The following NEB variants were observed in gnomAD, a reference collection of about 807,000 sequenced individuals.
NEB encodes nemaline myopathy type 2.
Under a neutral mutation model 952.2 loss-of-function variants are expected in NEB, and 512 were observed. The observed-to-expected ratio is 0.54, with a 90% CI of 0.50 to 0.58. The LOEUF (loss-of-function observed/expected upper bound fraction) is 0.58, where lower values mean the gene tolerates loss of function less well. Among genes scored for constraint, NEB ranks in the 20% least tolerant of loss-of-function variants. NEB has a pLI of 0.00. For synonymous variants in NEB, 2,900 were observed against 3,149.8 expected (o/e 0.92, Z 2.66); for missense variants, 8,428 against 9,231.1 (o/e 0.91, Z 3.56).
chr2:151,492,461 G>A lies in NEB; in HGVS notation c.24799C>T (p.Gln8267Ter). The A allele has an allele frequency of 6.2e-7, 1 of 1,613,402 alleles. No homozygotes were observed. The highest frequency in any genetic ancestry group is 8.5e-7 in the Non-Finnish European group (1 of 1,179,636). ...TCCAATACATAGGCAGCTTTGCCTT[G>A]TATTTGTTTCCGGAAACTATCAGAA... ...LYSDSFRKQI[Q>*]GKAAYVLDTP... Residue 8267 changes from glutamine to a stop codon, truncating the protein, a stop_gained, in exon 177 of 182, where the codon CAA becomes TAA. Transcript: ENST00000397345. LOFTEE classifies it high-confidence loss of function.
chr2:151,639,920 A>G lies in NEB; in HGVS notation c.8826T>C (p.Phe2942=). 6.2e-7 allele frequency: 1 copy of G among 1,614,006 alleles called. No homozygotes were observed. Among genetic ancestry groups the G allele is most frequent in the Non-Finnish European group, 8.5e-7 (1 of 1,179,876 alleles). The change falls in exon 62 of 182, where the codon TTT becomes TTC. Residue 2942 remains phenylalanine, a synonymous_variant. Coordinates refer to ENST00000397345, the MANE Select transcript of NEB (RefSeq NM_001164508.2). The stretch of plus-strand genomic sequence containing the variant: ...GTTCCAGAGAGTCAGTCACACTGGT[A>G]AATTTGAATCTGTCTGGAGGCTGGC... ...IYRQPPDRFK[F]TSVTDSLEQV... is the part of the protein sequence containing the mutation.
chr2:151,653,467 C>A (rs1252945248), intron 52 of NEB, among the ~76,000 whole-genome samples: 1 of 152,128 alleles, frequency 6.6e-6, no homozygotes, highest in African/African-American at 2.4e-5. Flanking sequence ...GTTAAGTAAG[C>A]CCTTGGGAAC....
Position 151,710,484 on chromosome 2 carries a change from G to A in NEB, c.877C>T (p.Pro293Ser), listed in dbSNP as rs200672688. 3.1e-6 allele frequency: 5 copies of A among 1,612,008 alleles called. No homozygotes were observed. In the Admixed American group the frequency reaches 5.0e-5, roughly 16 times the overall value. ...NKIKGKWSET[P>S]CFEVANARMN... Reference sequence around the variant, plus strand: ...CTGGCATTTGCAACTTCAAAGCAAGGTGTCTCACTCCATTTGCCTTTGATT... The same window carrying A: ...CTGGCATTTGCAACTTCAAAGCAAGATGTCTCACTCCATTTGCCTTTGATT... Residue 293 changes from proline to serine, a missense_variant, in exon 11 of 182, where the codon CCT becomes TCT. Physicochemically the swap from Pro to Ser is moderately conservative, Grantham distance 74. This residue lies in a region of NEB where 2,851 missense variants were observed against 2,791.5 expected (regional missense o/e 1.02). Coordinates refer to ENST00000397345, the MANE Select transcript of NEB (RefSeq NM_001164508.2).
Position 151,526,188 on chromosome 2 carries a change from C to T in NEB, c.22020G>A (p.Leu7340=), listed in dbSNP as rs2153453430. The change falls in exon 149 of 182, where the codon CTG becomes CTA. Residue 7340 remains leucine, a synonymous_variant. Transcript: ENST00000397345. ...ACACCAGGTTGCTGACAGTCTTCGC[C>T]AGCAGGATCTGAGGCGTGTCAGGTA... is the stretch of plus-strand genomic sequence containing the variant. ...HAVPDTPQIL[L]AKTVSNLVSE... 6.2e-7 allele frequency: 1 copy of T among 1,613,978 alleles called. No individual in the cohort carries two copies. The highest frequency in any genetic ancestry group is 8.5e-7 in the Non-Finnish European group (1 of 1,179,862).
At chr2:151,512,462 A>G (rs971045330) in intron 161 of NEB, among the ~76,000 whole-genome samples, 2 of 152,018 alleles carry the variant, frequency 1.3e-5, no homozygotes, top group Non-Finnish European at 2.9e-5. Context: ...AGAAGCTGGG[A>G]CTGGCGTGCA....
chr2:151,508,626 A>T (rs2071282966), intron 161 of NEB, among the ~76,000 whole-genome samples: 1 of 152,258 alleles, frequency 6.6e-6, no homozygotes, highest in African/African-American at 2.4e-5. Flanking sequence ...CTGAGCCGGC[A>T]GTCAGACAGG....
At chr2:151,523,107 A>C (rs2083104973) in intron 153 of NEB, among the ~76,000 whole-genome samples, 1 of 152,232 alleles carries the variant, frequency 6.6e-6, no homozygotes, top group Non-Finnish European at 1.5e-5. Context: ...GACCTTGTAC[A>C]TTTAAAAACA....
At chr2:151,553,178 C>A (rs1461154201) in intron 127 of NEB, among the ~76,000 whole-genome samples, 1 of 152,078 alleles carries the variant, frequency 6.6e-6, no homozygotes. Flanking sequence ...AGATGCTGGT[C>A]CCTTCTCCAC....
In NEB at chr2:151,512,785, A is replaced by G. The variant is rs763552941; in HGVS notation, c.23294T>C (p.Val7765Ala). 6.2e-7 allele frequency: 1 copy of G among 1,613,946 alleles called. No individual in the cohort carries two copies. The highest frequency in any genetic ancestry group is 1.3e-5 in the African/African-American group (1 of 75,062). Residue 7765 changes from valine to alanine, a missense_variant, in exon 161 of 182, where the codon GTT becomes GCT. Coordinates refer to ENST00000397345, the MANE Select transcript of NEB (RefSeq NM_001164508.2). ...EMEKANFTSV[V>A]DTPEIIHAQQ... ...GGCATGAATGATCTCTGGAGTATCA[A>G]CCACAGAAGTGAAATTGGCTTTCTC...
chr2:151,568,577 AT>A, intron 111 of NEB, 40 bp downstream of exon 111: 1 of 1,498,604 alleles, frequency 6.7e-7, no homozygotes, highest in Non-Finnish European at 9.2e-7. Context: ...TGGAAGTGAT[AT>A]CTGCATCACT....
chr2:151,619,792 G>A (rs1242290036), intron 72 of NEB, 30 bp from the exon 73 acceptor site: 1 of 1,579,578 alleles, frequency 6.3e-7, no homozygotes, highest in South Asian at 1.1e-5. Flanking sequence ...AAATAAGAAG[G>A]AAGCACAAAG....
intron 125 of NEB, 85 bp from the exon 126 acceptor site, chr2:151,554,110 T>TGTTCGCTGTGAGTTGGTTAG: frequency 1.5e-6 from 2 of 1,293,812 alleles, no homozygotes; most frequent in Non-Finnish European, 1.1e-6. Flanking sequence ...GCTAACCAAC[T>TGTTCGCTGTGAGTTGGTTAG]CACAGCGAAC....
At chr2:151,676,858 A>G (rs2099364246) in intron 34 of NEB, among the ~76,000 whole-genome samples, 1 of 152,134 alleles carries the variant, frequency 6.6e-6, no homozygotes, top group African/African-American at 2.4e-5. Context: ...TATCCCATGA[A>G]TCCTCATCTA....
At chr2:151,508,456 C>T (rs931542288) in intron 161 of NEB, among the ~76,000 whole-genome samples, 13 of 152,196 alleles carry the variant, frequency 8.5e-5, no homozygotes, top group Non-Finnish European at 1.8e-4. Flanking sequence ...CAGTAGTCCT[C>T]GCTGGGCTGG....
rs117361266 is a variant in NEB at position 151,620,581 on chromosome 2, T to C, written c.10560+338A>G. ...TTTCAAGTGATGGGGCAAACTCAGT[T>C]AAGCCTGCTTCTTTTCTGGCATCTT... On this transcript the variant is annotated intron_variant, in intron 72 of 181. Transcript: ENST00000397345. 2.6e-3 allele frequency among the ~76,000 whole-genome samples: 393 copies of C among 152,076 alleles called. 10 individuals are homozygous for C. The East Asian group carries it at 0.053, about 21-fold the overall frequency.
chr2:151,629,738 G>A (rs1225915196), intron 67 of NEB, 92 bp from the exon 68 acceptor site: 3 of 1,065,604 alleles, frequency 2.8e-6, no homozygotes, highest in South Asian at 2.8e-5. Flanking sequence ...ATTTAAAAAA[G>A]GATAGGAACT....
Position 151,546,001 on chromosome 2 carries a change from T to TAA in NEB, c.20467-5_20467-4dup, listed in dbSNP as rs10687343. ...TTATCAGTGTATAGGTAATTAGACT[T>TAA]AAAAAAAAAAAAAAAAACAGAAATA... On this transcript the variant is annotated splice_polypyrimidine_tract_variant and splice_region_variant and intron_variant, in intron 134 of 181. Coordinates refer to ENST00000397345, the MANE Select transcript of NEB (RefSeq NM_001164508.2). 215,335 of 923,728 alleles carry TAA rather than the reference T, an allele frequency of 0.23. 7,056 individuals carry two copies. Among genetic ancestry groups the TAA allele is most frequent in the Admixed American group, 0.27 (9,642 of 36,344 alleles). The allele number at this position is 923,728 out of a possible 1,614,324, so 57.2% of individuals were successfully genotyped here.
Position 151,694,318 on chromosome 2 carries a change from C to T in NEB, c.1896+5G>A. Reference sequence around the variant, plus strand: ...AAAATAGGGGTGAATTACAAAGAAACTCACATCACTCTGGTTTTTGGCCAC... The same window carrying T: ...AAAATAGGGGTGAATTACAAAGAAATTCACATCACTCTGGTTTTTGGCCAC... On this transcript the variant is annotated splice_donor_5th_base_variant and intron_variant, in intron 20 of 181. Transcript: ENST00000397345. 1 of 1,609,648 alleles carries T rather than the reference C, an allele frequency of 6.2e-7. No individual in the cohort carries two copies. Among genetic ancestry groups the T allele is most frequent in the Non-Finnish European group, 8.5e-7 (1 of 1,176,012 alleles).
chr2:151,718,765 A>G (rs2099766251), intron 9 of NEB, among the ~76,000 whole-genome samples: 1 of 152,118 alleles, frequency 6.6e-6, no homozygotes, highest in African/African-American at 2.4e-5. Context: ...CCTATAAAAG[A>G]CTTCTATCAC....
Sources: allele counts gnomAD v4.1 joint callset (sites outside exome capture counted in the v4.1 genomes callset), GRCh38; gene constraint gnomAD v4.1.1; regional missense constraint gnomAD v4.1.1; transcripts MANE v1.5; gene names NCBI Gene and HGNC (gene_info 2026-07-23, HGNC 2026-07-21).